Variants in ADGRL3 observed in about 807,000 individuals in gnomAD.
ADGRL3 encodes the protein calcium-independent alpha-latrotoxin receptor 3.
ADGRL3 carries 62 observed loss-of-function variants against 153.5 expected under a neutral mutation model. The ratio of observed to expected loss-of-function variants is 0.40; its 90% confidence interval spans 0.33 to 0.50. ADGRL3 has a LOEUF of 0.50. ADGRL3 is among the 20% of genes least tolerant of loss of function. The pLI, the probability that ADGRL3 is intolerant of heterozygous loss-of-function variation, is 0.47. For synonymous variants in ADGRL3, 710 were observed against 672.5 expected (o/e 1.06, Z -0.86); for missense variants, 1,641 against 1,859.4 (o/e 0.88, Z 2.16).
At chr4:61,298,601 A>G (rs1236132747) in intron 1 of ADGRL3, among the ~76,000 whole-genome samples, 2 of 152,192 alleles carry the variant, frequency 1.3e-5, no homozygotes, top group Non-Finnish European at 2.9e-5. Context: ...GCAGCTGCCC[A>G]GGGAGGCTTA....
chr4:61,581,665 T>G (rs2098926112), intron 4 of ADGRL3, among the ~76,000 whole-genome samples: 2 of 152,068 alleles, frequency 1.3e-5, no homozygotes, highest in African/African-American at 4.8e-5. Flanking sequence ...CACTACCTTT[T>G]AACTCTCAAA....
intron 2 of ADGRL3, among the ~76,000 whole-genome samples, chr4:61,461,070 AAAAACAAAAC>A (rs770553465): frequency 2.0e-5 from 3 of 152,136 alleles, no homozygotes; most frequent in East Asian, 3.9e-4. Flanking sequence ...ACTACATCAA[AAAAACAAAAC>A]AAAACAAAAC....
chr4:62,042,038 A>G (rs983334721), intron 24 of ADGRL3, among the ~76,000 whole-genome samples: 5 of 152,044 alleles, frequency 3.3e-5, no homozygotes, highest in African/African-American at 1.2e-4. Context: ...TGATGGGTGA[A>G]TATAGGAAAG....
At chr4:61,692,037 A>G (rs1330384481) in intron 6 of ADGRL3, among the ~76,000 whole-genome samples, 1 of 152,152 alleles carries the variant, frequency 6.6e-6, no homozygotes, top group Non-Finnish European at 1.5e-5. Flanking sequence ...ATAAAAATAG[A>G]TTATGACTCT....
intron 2 of ADGRL3, among the ~76,000 whole-genome samples, chr4:61,414,243 A>G (rs1167074400): frequency 6.6e-6 from 1 of 152,152 alleles, no homozygotes; most frequent in Non-Finnish European, 1.5e-5. Context: ...TAACAAAAGC[A>G]TTTTCCTACC....
chr4:61,976,204 T>C (rs556311663), intron 17 of ADGRL3, among the ~76,000 whole-genome samples: 63 of 152,300 alleles, frequency 4.1e-4, no homozygotes, highest in African/African-American at 1.5e-3. Flanking sequence ...TTGAGTTATA[T>C]AGTGTTCACA....
At chr4:61,370,438 C>G (rs1480693984) in intron 1 of ADGRL3, among the ~76,000 whole-genome samples, 1 of 151,546 alleles carries the variant, frequency 6.6e-6, no homozygotes, top group Non-Finnish European at 1.5e-5. Context: ...TGTCTTTGTT[C>G]TCGTTGGTTT....
intron 8 of ADGRL3, among the ~76,000 whole-genome samples, chr4:61,796,905 C>G (rs2097421862): frequency 6.6e-6 from 1 of 152,148 alleles, no homozygotes; most frequent in Admixed American, 6.5e-5. Flanking sequence ...AGTACCCCTT[C>G]TATATTTGGG....
At chr4:61,233,997 A>G (rs1751816434) in intron 1 of ADGRL3, among the ~76,000 whole-genome samples, 1 of 152,100 alleles carries the variant, frequency 6.6e-6, no homozygotes, top group Admixed American at 6.6e-5. Flanking sequence ...GAAAAAATTG[A>G]TGGGAAAGGG....
intron 21 of ADGRL3, among the ~76,000 whole-genome samples, chr4:61,999,635 T>G (rs184011512): frequency 6.6e-6 from 1 of 152,284 alleles, no homozygotes; most frequent in African/African-American, 2.4e-5. Flanking sequence ...CTACCTCAGA[T>G]AGCAATTATG....
chr4:61,483,897 CTAAG>C (rs957694084), intron 2 of ADGRL3, among the ~76,000 whole-genome samples: 136 of 150,522 alleles, frequency 9.0e-4, no homozygotes, highest in African/African-American at 3.2e-3. Context: ...ACGTTAATAA[CTAAG>C]TATAGTGTGT....
At chr4:61,297,650 G>A (rs1387197535) in intron 1 of ADGRL3, among the ~76,000 whole-genome samples, 1 of 151,356 alleles carries the variant, frequency 6.6e-6, no homozygotes. Flanking sequence ...TTTTGAATTG[G>A]CAGAACTTAC....
chr4:61,789,155 TAACTA>T (rs1257695081), intron 8 of ADGRL3, among the ~76,000 whole-genome samples: 2 of 152,162 alleles, frequency 1.3e-5, no homozygotes, highest in Non-Finnish European at 2.9e-5. Context: ...TTAAAAAAGA[TAACTA>T]TACCTCGATT....
At chr4:61,488,033 T>G (rs1183797346) in intron 2 of ADGRL3, among the ~76,000 whole-genome samples, 2 of 152,098 alleles carry the variant, frequency 1.3e-5, no homozygotes, top group Admixed American at 6.5e-5. Context: ...TCAGAAAAGA[T>G]GTTAACTCAA....
chr4:61,713,268 G>A (rs1483851375), intron 6 of ADGRL3, among the ~76,000 whole-genome samples: 3 of 152,010 alleles, frequency 2.0e-5, no homozygotes, highest in South Asian at 4.2e-4. Context: ...TGTGTGACAA[G>A]CACTGAGTAT....
intron 5 of ADGRL3, among the ~76,000 whole-genome samples, chr4:61,646,724 C>T (rs1307570323): frequency 3.1e-4 from 47 of 152,142 alleles, no homozygotes; most frequent in Non-Finnish European, 5.1e-4. Context: ...TTACTGCTGT[C>T]TTTTTGTTTG....
chr4:61,542,791 A>G (rs1237091798), intron 4 of ADGRL3, among the ~76,000 whole-genome samples: 3 of 152,070 alleles, frequency 2.0e-5, no homozygotes, highest in Non-Finnish European at 4.4e-5. Context: ...CTTTCTTACC[A>G]TTCCTTCACC....
chr4:61,750,182 T>TAAAAAAAAAAAAAAAAAAAAAAAAA, intron 8 of ADGRL3, among the ~76,000 whole-genome samples: 1 of 94,614 alleles, frequency 1.1e-5, no homozygotes, highest in Non-Finnish European at 2.2e-5. Flanking sequence ...AGGGGATGGT[T>TAAAAAAAAAAAAAAAAAAAAAAAAA]AAAAAAAAAA....
chr4:61,514,667 A>G (rs143620868), intron 3 of ADGRL3, among the ~76,000 whole-genome samples: 1 of 152,102 alleles, frequency 6.6e-6, no homozygotes, highest in African/African-American at 2.4e-5. Flanking sequence ...GACACATAAG[A>G]TACTTTGGTT....
Sources: allele counts gnomAD v4.1 joint callset (sites outside exome capture counted in the v4.1 genomes callset), GRCh38; gene constraint gnomAD v4.1.1; transcripts MANE v1.5; gene names NCBI Gene and HGNC (gene_info 2026-07-23, HGNC 2026-07-21).